MTHFD1L: variants seen among roughly 807,000 people sequenced by gnomAD.
MTHFD1L encodes the protein monofunctional C1-tetrahydrofolate synthase, mitochondrial.
Under a neutral mutation model 119.5 loss-of-function variants are expected in MTHFD1L, and 81 were observed. The ratio of observed to expected loss-of-function variants is 0.68; its 90% CI spans 0.57 to 0.82. MTHFD1L has a LOEUF of 0.82. Among genes scored for constraint, MTHFD1L ranks in the 40% least tolerant of loss-of-function variants. The pLI is 0.00. For synonymous variants in MTHFD1L, 430 were observed against 475.2 expected (o/e 0.90, Z 1.24); for missense variants, 1,125 against 1,253.4 (o/e 0.90, Z 1.55).
chr6:151,009,025 G>A (rs1465680636), intron 20 of MTHFD1L, among the ~76,000 whole-genome samples: 15 of 151,584 alleles, frequency 9.9e-5, no homozygotes, highest in Admixed American at 9.8e-4. Flanking sequence ...GGGAAGCTGA[G>A]GCAGGAGAAT....
At chr6:151,018,893 A>G (rs935478680) in intron 24 of MTHFD1L, among the ~76,000 whole-genome samples, 5 of 152,222 alleles carry the variant, frequency 3.3e-5, no homozygotes, top group African/African-American at 1.2e-4. Flanking sequence ...TGAATGAGGA[A>G]CTAGAATATT....
chr6:151,084,531 G>C (rs1793535940), intron 26 of MTHFD1L, among the ~76,000 whole-genome samples: 1 of 152,136 alleles, frequency 6.6e-6, no homozygotes, highest in South Asian at 2.1e-4. Context: ...CTCCCACCTC[G>C]GCTTCCCAAA....
At chr6:150,978,667 G>T (rs1583918714) in intron 20 of MTHFD1L, among the ~76,000 whole-genome samples, 1 of 152,284 alleles carries the variant, frequency 6.6e-6, no homozygotes, top group Non-Finnish European at 1.5e-5. Context: ...CCCCGTTTCT[G>T]AGCCATTCCT....
chr6:151,029,809 T>A (rs1022528559), intron 24 of MTHFD1L, among the ~76,000 whole-genome samples: 1 of 152,172 alleles, frequency 6.6e-6, no homozygotes, highest in African/African-American at 2.4e-5. Flanking sequence ...AAAATTTTTT[T>A]AAATAACAAC....
At chr6:151,018,306 C>A (rs487637) in intron 24 of MTHFD1L, among the ~76,000 whole-genome samples, 120,996 of 152,188 alleles carry the variant, frequency 0.8, 48,951 homozygotes, top group African/African-American at 0.95. Context: ...AGAAGAAATC[C>A]GTGAAGCAAG....
In MTHFD1L at chr6:150,983,778, G is replaced by A. The variant is rs191137317; in HGVS notation, c.2125+11720G>A. Among the ~76,000 whole-genome samples the A allele has an allele frequency of 2.4e-3, 368 of 152,176 alleles. 1 individual carries two copies. The highest frequency in any genetic ancestry group is 8.4e-3 in the African/African-American group (349 of 41,538). On this transcript the variant is annotated intron_variant, in intron 20 of 27. Coordinates refer to ENST00000367321, the MANE Select transcript of MTHFD1L (RefSeq NM_015440.5). ...GAAAGGGTTTAATTTTCTTCTTTTC[G>A]TTTTGTTTTGTTTTGTTTTTAATTT...
chr6:150,878,272 A>G (rs1446367329), intron 4 of MTHFD1L, among the ~76,000 whole-genome samples: 1 of 148,918 alleles, frequency 6.7e-6, no homozygotes, highest in East Asian at 2.0e-4. Flanking sequence ...TTTTTTTGAG[A>G]TGGAATTTTA....
intron 26 of MTHFD1L, among the ~76,000 whole-genome samples, chr6:151,055,304 C>G (rs894963377): frequency 6.6e-6 from 1 of 152,034 alleles, no homozygotes; most frequent in African/African-American, 2.4e-5. Flanking sequence ...TTATTGAGCA[C>G]TTACTAGGTG....
At chr6:151,030,764 G>A (rs555663096) in intron 24 of MTHFD1L, among the ~76,000 whole-genome samples, 1 of 152,324 alleles carries the variant, frequency 6.6e-6, no homozygotes, top group East Asian at 1.9e-4. Context: ...ACTGTATAGG[G>A]AGGGCCTTGT....
chr6:151,054,517 G>A (rs1487616980), intron 26 of MTHFD1L, among the ~76,000 whole-genome samples: 2 of 152,194 alleles, frequency 1.3e-5, no homozygotes, highest in African/African-American at 2.4e-5. Flanking sequence ...TGACATTCCC[G>A]GCCCCTCTCC....
chr6:150,991,535 A>G (rs1395546665), intron 20 of MTHFD1L, among the ~76,000 whole-genome samples: 1 of 152,214 alleles, frequency 6.6e-6, no homozygotes, highest in African/African-American at 2.4e-5. Context: ...AAATTTTTAC[A>G]ATTACTGTGT....
intron 10 of MTHFD1L, among the ~76,000 whole-genome samples, chr6:150,925,409 C>A (rs1336994939): frequency 6.6e-6 from 1 of 152,082 alleles, no homozygotes; most frequent in East Asian, 1.9e-4. Flanking sequence ...TGCTGGTATC[C>A]AGACCACTCC....
chr6:151,017,232 C>T (rs747658119), intron 24 of MTHFD1L, among the ~76,000 whole-genome samples: 17 of 152,160 alleles, frequency 1.1e-4, no homozygotes, highest in Non-Finnish European at 2.4e-4. Flanking sequence ...CTACCATTCT[C>T]CTTCATTTCC....
At chr6:150,995,408 G>A (rs1226111693) in intron 20 of MTHFD1L, among the ~76,000 whole-genome samples, 3 of 151,570 alleles carry the variant, frequency 2.0e-5, no homozygotes, top group Non-Finnish European at 2.9e-5. Flanking sequence ...CAGCTACTAG[G>A]AAGGGTGAGG....
chr6:150,917,030 G>T (rs1212302518), intron 8 of MTHFD1L, among the ~76,000 whole-genome samples: 1 of 151,208 alleles, frequency 6.6e-6, no homozygotes, highest in African/African-American at 2.4e-5. Flanking sequence ...CAAATTGCTG[G>T]GATTACAGGC....
At chr6:151,050,081 G>C (rs527960245) in intron 26 of MTHFD1L, among the ~76,000 whole-genome samples, 1 of 152,144 alleles carries the variant, frequency 6.6e-6, no homozygotes, top group Non-Finnish European at 1.5e-5. Flanking sequence ...AGGGCACCCA[G>C]GTCGGGCATG....
intron 7 of MTHFD1L, among the ~76,000 whole-genome samples, chr6:150,892,069 C>T (rs1172122712): frequency 1.3e-5 from 2 of 152,126 alleles, no homozygotes; most frequent in Non-Finnish European, 2.9e-5. Context: ...AACCTGTGTG[C>T]GTTTTTAGCA....
At chr6:150,922,645 C>A (rs1413847915) in intron 10 of MTHFD1L, among the ~76,000 whole-genome samples, 1 of 75,348 alleles carries the variant, frequency 1.3e-5, no homozygotes, top group Admixed American at 2.0e-4. Context: ...TCCCCCCCCA[C>A]CCTTTTTTTT....
chr6:150,942,187 A>G (rs905485726), intron 13 of MTHFD1L, among the ~76,000 whole-genome samples: 2 of 152,202 alleles, frequency 1.3e-5, no homozygotes, highest in African/African-American at 2.4e-5. Flanking sequence ...CAAACCTGGG[A>G]GGCAGAGGTT....
Sources: gnomAD v4.1 joint callset for allele counts (sites outside exome capture counted in the v4.1 genomes callset) on GRCh38, gnomAD v4.1.1 for gene constraint, MANE v1.5 for transcripts, NCBI Gene and HGNC (gene_info 2026-07-23, HGNC 2026-07-21) for gene names.